The following TENM3 variants were observed in gnomAD, a reference collection of about 807,000 sequenced individuals.
TENM3 encodes teneurin transmembrane protein 3.
A neutral mutation model predicts 255.1 loss-of-function variants in TENM3; 63 were observed. The observed-to-expected ratio is 0.25, with a 90% confidence interval of 0.20 to 0.30. The LOEUF (loss-of-function observed/expected upper bound fraction) is 0.30, where lower values mean the gene tolerates loss of function less well. Ranked by LOEUF, TENM3 falls within the 10% of genes least tolerant of loss-of-function variation. TENM3 has a pLI of 1.00. For synonymous variants in TENM3, 1,306 were observed against 1,322.3 expected, an observed-to-expected ratio of 0.99 and a Z score of 0.27; for missense variants, 2,929 against 3,461.1, an observed-to-expected ratio of 0.85 and a Z score of 3.86.
At chr4:181,717,746 C>T in the TENM3 span, among the ~76,000 whole-genome samples, 2 of 152,178 alleles carry the variant, frequency 1.3e-5, no homozygotes, top group African/African-American at 4.8e-5. Context: ...TCTGGTATAT[C>T]TCTGTCTAGA....
the TENM3 span, among the ~76,000 whole-genome samples, chr4:182,068,833 G>A: frequency 5.3e-5 from 8 of 151,796 alleles, no homozygotes; most frequent in African/African-American, 7.3e-5. Flanking sequence ...ATGAATAAAC[G>A]CATTAATGAT....
intron 23 of TENM3, 124 bp from the exon 24 acceptor site, chr4:182,774,794 G>A: frequency 3.1e-6 from 2 of 649,902 alleles, no homozygotes; most frequent in Non-Finnish European, 5.3e-6. Flanking sequence ...TTTCTAAAAG[G>A]ACATCATCAG....
intron 2 of TENM3, among the ~76,000 whole-genome samples, chr4:182,326,220 T>C (rs1448618671): frequency 6.6e-6 from 1 of 152,174 alleles, no homozygotes; most frequent in East Asian, 1.9e-4. Context: ...GAAACGTAAA[T>C]GGGATGGACT....
the TENM3 span, among the ~76,000 whole-genome samples, chr4:181,809,005 A>T: frequency 6.6e-6 from 1 of 152,338 alleles, no homozygotes; most frequent in Non-Finnish European, 1.5e-5. Flanking sequence ...CACGCCAAAT[A>T]TTTGACATAC....
chr4:181,904,643 C>T, the TENM3 span, among the ~76,000 whole-genome samples: 2 of 152,168 alleles, frequency 1.3e-5, no homozygotes, highest in African/African-American at 4.8e-5. Context: ...TGTCACTGTT[C>T]ACAACACTCT....
At chr4:182,680,445 G>GA in intron 9 of TENM3, 96 bp downstream of exon 9, 2 of 1,407,856 alleles carry the variant, frequency 1.4e-6, no homozygotes, top group Non-Finnish European at 1.0e-6. Flanking sequence ...AAAGGGGGGG[G>GA]GAGACTGGCA....
intron 1 of TENM3, among the ~76,000 whole-genome samples, chr4:182,313,144 C>T (rs1468570397): frequency 6.6e-6 from 1 of 151,500 alleles, no homozygotes. Context: ...TTGTTTCCTT[C>T]TACATAGGAA....
At chr4:181,888,278 G>A in the TENM3 span, among the ~76,000 whole-genome samples, 6 of 151,254 alleles carry the variant, frequency 4.0e-5, no homozygotes, top group Non-Finnish European at 7.4e-5. Context: ...TGATCCACCC[G>A]CTTCGGCCTC....
chr4:181,470,108 T>TAAAAAAAAAAAAAAAAAAAAAA, the TENM3 span, among the ~76,000 whole-genome samples: 65 of 112,674 alleles, frequency 5.8e-4, no homozygotes, highest in African/African-American at 2.1e-3. Context: ...ATAGCTTCTG[T>TAAAAAAAAAAAAAAAAAAAAAA]AAAAAAAAAA....
the TENM3 span, among the ~76,000 whole-genome samples, chr4:181,583,446 T>C: frequency 2.0e-5 from 3 of 152,328 alleles, no homozygotes; most frequent in East Asian, 3.9e-4. Flanking sequence ...CGGATACTTT[T>C]CATGCTCAAA....
the TENM3 span, among the ~76,000 whole-genome samples, chr4:182,024,830 C>G: frequency 6.6e-6 from 1 of 152,020 alleles, no homozygotes; most frequent in Non-Finnish European, 1.5e-5. Flanking sequence ...CCCCCTGACC[C>G]AGCTACCACC....
chr4:182,220,454 C>T (rs926853913), intron 1 of TENM3, among the ~76,000 whole-genome samples: 4 of 149,344 alleles, frequency 2.7e-5, no homozygotes, highest in Non-Finnish European at 1.5e-5. Flanking sequence ...CTGCCTTACA[C>T]TGTTCAGGGC....
At chr4:182,633,777 C>G (rs900429748) in intron 5 of TENM3, among the ~76,000 whole-genome samples, 1 of 152,196 alleles carries the variant, frequency 6.6e-6, no homozygotes. Flanking sequence ...AGGACTCTTA[C>G]ACTATACTGT....
At chr4:181,809,810 G>A in the TENM3 span, among the ~76,000 whole-genome samples, 1 of 152,136 alleles carries the variant, frequency 6.6e-6, no homozygotes, top group Non-Finnish European at 1.5e-5. Flanking sequence ...GGCAGCTCAG[G>A]TTATGTGAGA....
the TENM3 span, among the ~76,000 whole-genome samples, chr4:181,693,150 T>C: frequency 6.6e-6 from 1 of 152,188 alleles, no homozygotes; most frequent in Non-Finnish European, 1.5e-5. Context: ...GGTTCTTACA[T>C]TTGAGGTCAC....
intron 1 of TENM3, among the ~76,000 whole-genome samples, chr4:182,306,430 T>G (rs547190089): frequency 2.8e-4 from 42 of 152,322 alleles, no homozygotes; most frequent in African/African-American, 8.7e-4. Flanking sequence ...TTATAAGTTA[T>G]AATACATTTT....
the TENM3 span, among the ~76,000 whole-genome samples, chr4:182,013,264 T>G: frequency 1.3e-5 from 2 of 152,206 alleles, no homozygotes; most frequent in Non-Finnish European, 2.9e-5. Context: ...TGTGTAAGGA[T>G]TAAATTTATG....
intron 1 of TENM3, among the ~76,000 whole-genome samples, chr4:182,270,678 T>G (rs1759557405): frequency 6.6e-6 from 1 of 152,186 alleles, no homozygotes; most frequent in African/African-American, 2.4e-5. Flanking sequence ...GGGACCAAGA[T>G]AGAAGGACAT....
At chr4:182,034,417 C>T in the TENM3 span, among the ~76,000 whole-genome samples, 1 of 152,078 alleles carries the variant, frequency 6.6e-6, no homozygotes, top group African/African-American at 2.4e-5. Context: ...TGAATTTGAT[C>T]CTGTCATGAT....
Sources: allele counts gnomAD v4.1 joint callset (sites outside exome capture counted in the v4.1 genomes callset), GRCh38; gene constraint gnomAD v4.1.1; transcripts MANE v1.5; gene names NCBI Gene and HGNC (gene_info 2026-07-23, HGNC 2026-07-21).